The following ATP13A4 variants were observed in gnomAD, a reference collection of about 807,000 sequenced individuals.
The protein encoded by ATP13A4 is probable cation-transporting ATPase 13A4.
Under a neutral mutation model 142.5 loss-of-function variants are expected in ATP13A4, and 114 were observed. The observed-to-expected ratio is 0.80, with a 90% CI of 0.69 to 0.93. ATP13A4 has a LOEUF of 0.93. Ranked by LOEUF, ATP13A4 falls within the 40% of genes least tolerant of loss-of-function variation. ATP13A4 has a pLI of 0.00. For missense variants in ATP13A4, 1,392 were observed against 1,454.0 expected (o/e 0.96, Z 0.69); for synonymous variants, 488 against 514.8 (o/e 0.95, Z 0.70).
chr3:193,440,683 T>G (rs1449892523), intron 20 of ATP13A4, 46 bp from the exon 21 acceptor site: 1 of 1,584,734 alleles, frequency 6.3e-7, no homozygotes, highest in Admixed American at 1.7e-5. Flanking sequence ...GTCATCTGGT[T>G]GTACATGAAA....
At chr3:193,415,584 C>T (rs1014886764) in intron 25 of ATP13A4, among the ~76,000 whole-genome samples, 1 of 152,172 alleles carries the variant, frequency 6.6e-6, no homozygotes, top group Non-Finnish European at 1.5e-5. Flanking sequence ...CATAGCAGGC[C>T]TTATTTACAA....
At chr3:193,525,188 C>A (rs1721935040) in intron 1 of ATP13A4, among the ~76,000 whole-genome samples, 1 of 152,076 alleles carries the variant, frequency 6.6e-6, no homozygotes, top group Non-Finnish European at 1.5e-5. Context: ...TATTAATAGA[C>A]TAGTAAACAG....
In ATP13A4 at chr3:193,402,689, C is replaced by A; in HGVS notation, c.3554G>T (p.Ser1185Ile). The A allele has an allele frequency of 8.4e-7, 1 of 1,186,026 alleles. No homozygotes were observed. The highest frequency in any genetic ancestry group is 1.3e-6 in the Non-Finnish European group (1 of 789,194). 73.5% of individuals were successfully genotyped at this position (1,186,026 alleles called of 1,614,324 possible). Residue 1185 changes from serine to isoleucine, a missense_variant, in exon 30 of 30, where the codon AGC becomes ATC. Transcript: ENST00000342695. ...MPECGRGVSY[S>I]NPVFESNEEQ... ...TTCATTGCTCTCAAATACTGGATTG[C>A]TGTAAGACACTCCTCTGCCACACTC... is the stretch of plus-strand genomic sequence containing the variant.
At chr3:193,507,764 C>G (rs1231511468) in intron 2 of ATP13A4, among the ~76,000 whole-genome samples, 1 of 152,106 alleles carries the variant, frequency 6.6e-6, no homozygotes, top group East Asian at 1.9e-4. Flanking sequence ...TTGACTAATG[C>G]CCATGGAATG....
At chr3:193,521,128 C>G (rs1030953855) in intron 1 of ATP13A4, among the ~76,000 whole-genome samples, 1 of 152,120 alleles carries the variant, frequency 6.6e-6, no homozygotes, top group Admixed American at 6.6e-5. Flanking sequence ...ATTCAAATTG[C>G]CTACTATGTC....
chr3:193,447,485 G>A (rs1310140303), intron 18 of ATP13A4, among the ~76,000 whole-genome samples: 1 of 152,116 alleles, frequency 6.6e-6, no homozygotes, highest in Non-Finnish European at 1.5e-5. Context: ...AAATGATAGA[G>A]TTAAAAGCAT....
chr3:193,580,825 G>C (rs1724523939), intron 2 of ATP13A4, among the ~76,000 whole-genome samples: 1 of 152,142 alleles, frequency 6.6e-6, no homozygotes, highest in Non-Finnish European at 1.5e-5. Flanking sequence ...CTTCAAAACA[G>C]AAAGAAAAAA....
At chr3:193,539,755 G>A (rs745394901) in intron 1 of ATP13A4, among the ~76,000 whole-genome samples, 9 of 152,252 alleles carry the variant, frequency 5.9e-5, no homozygotes, top group South Asian at 4.2e-4. Flanking sequence ...ATTGTGAATC[G>A]AAAATAAAGT....
At chr3:193,441,304 A>G (rs1716626306) in intron 20 of ATP13A4, among the ~76,000 whole-genome samples, 162 bp downstream of exon 20, 1 of 152,234 alleles carries the variant, frequency 6.6e-6, no homozygotes, top group African/African-American at 2.4e-5. Context: ...GTAGGAAATG[A>G]GACAATAGTA....
chr3:193,542,961 C>T (rs1208013878), intron 1 of ATP13A4, among the ~76,000 whole-genome samples: 2 of 152,050 alleles, frequency 1.3e-5, no homozygotes, highest in Admixed American at 1.3e-4. Flanking sequence ...GTCAGGAGAT[C>T]GAGACCATCC....
At chr3:193,487,983 G>C (rs1031753262) in intron 7 of ATP13A4, among the ~76,000 whole-genome samples, 9 of 152,186 alleles carry the variant, frequency 5.9e-5, no homozygotes, top group Non-Finnish European at 1.2e-4. Flanking sequence ...TCAAGTGGAG[G>C]CTGGGCACGG....
rs1220860661 is a variant in ATP13A4 at position 193,462,811 on chromosome 3, T to A, written c.1474A>T (p.Thr492Ser). 1.2e-6 allele frequency: 2 copies of A among 1,613,894 alleles called. No individual in the cohort carries two copies. The highest frequency in any genetic ancestry group is 8.5e-7 in the Non-Finnish European group (1 of 1,179,852). The change falls in exon 13 of 30, where the codon ACA becomes TCA. Residue 492 changes from threonine (T) to serine (S), a missense_variant. Thr to Ser is a moderately conservative substitution (Grantham distance 58, BLOSUM62 1). Coordinates refer to ENST00000342695, the MANE Select transcript of ATP13A4 (RefSeq NM_032279.4). ...CCCCAGAGGTCCAAGCCGTCCCTTG[T>A]TAAGGTGCCTGTCTAAACAGAAACA... Reference protein sequence around the residue: ...LVCFDKTGTLTRDGLDLWGVV... With the variant: ...LVCFDKTGTLSRDGLDLWGVV...
intron 2 of ATP13A4, among the ~76,000 whole-genome samples, chr3:193,570,769 T>C (rs1403009189): frequency 6.6e-6 from 1 of 152,158 alleles, no homozygotes; most frequent in Non-Finnish European, 1.5e-5. Flanking sequence ...AGTTGTGTGG[T>C]CAGGGGAAAT....
intron 25 of ATP13A4, among the ~76,000 whole-genome samples, chr3:193,423,452 A>C (rs1715499153): frequency 6.7e-6 from 1 of 149,808 alleles, no homozygotes; most frequent in Middle Eastern, 3.2e-3. Context: ...AAATACTAGC[A>C]AACTGAATTT....
intron 1 of ATP13A4, among the ~76,000 whole-genome samples, chr3:193,545,358 A>G (rs1723160307): frequency 6.6e-6 from 1 of 152,144 alleles, no homozygotes; most frequent in African/African-American, 2.4e-5. Context: ...TGAGGACATT[A>G]TATTTCTCTG....
intron 28 of ATP13A4, among the ~76,000 whole-genome samples, chr3:193,408,967 A>C (rs1224125592): frequency 2.6e-5 from 4 of 152,354 alleles, no homozygotes; most frequent in Admixed American, 1.3e-4. Flanking sequence ...ATAGTTTTCT[A>C]CTGTTTATGT....
intron 2 of ATP13A4, among the ~76,000 whole-genome samples, chr3:193,574,611 G>C (rs930975762): frequency 6.6e-6 from 1 of 152,096 alleles, no homozygotes; most frequent in Non-Finnish European, 1.5e-5. Flanking sequence ...AGCTACTTGC[G>C]AGGCTGAGTC....
intron 1 of ATP13A4, among the ~76,000 whole-genome samples, chr3:193,538,290 T>C (rs1356679370): frequency 6.6e-6 from 1 of 152,154 alleles, no homozygotes; most frequent in African/African-American, 2.4e-5. Flanking sequence ...GCTGCACTAT[T>C]TCCAGCAAGT....
chr3:193,486,404 C>T (rs1239770694), intron 7 of ATP13A4, among the ~76,000 whole-genome samples: 2 of 152,002 alleles, frequency 1.3e-5, no homozygotes, highest in African/African-American at 4.8e-5. Flanking sequence ...TAACTTGAAC[C>T]GTAATAGTGG....
Sources: gnomAD v4.1 joint callset for allele counts (sites outside exome capture counted in the v4.1 genomes callset) on GRCh38, gnomAD v4.1.1 for gene constraint, MANE v1.5 for transcripts, NCBI Gene and HGNC (gene_info 2026-07-23, HGNC 2026-07-21) for gene names.